The following FZD3 variants were observed in gnomAD, a reference collection of about 807,000 sequenced individuals.
FZD3 encodes the protein frizzled-3.
FZD3 carries 30 observed loss-of-function variants against 60.7 expected under a neutral mutation model. That is an observed-to-expected ratio of 0.49 (90% confidence interval 0.37 to 0.67). The LOEUF is 0.67. FZD3 is among the 30% of genes least tolerant of loss of function. The pLI is 0.00. For missense variants in FZD3, 605 were observed against 838.7 expected (o/e 0.72, Z 3.44); for synonymous variants, 246 against 275.2 (o/e 0.89, Z 1.05).
intron 3 of FZD3, among the ~76,000 whole-genome samples, chr8:28,513,773 C>A (rs1301376218): frequency 2.0e-5 from 3 of 152,070 alleles, no homozygotes; most frequent in African/African-American, 7.2e-5. Context: ...CATAATACTC[C>A]CAAACCCCAT....
chr8:28,503,978 T>C lies in FZD3; in HGVS notation c.189+776T>C, dbSNP rs192850444. Among the ~76,000 whole-genome samples, 7 of 152,356 alleles carry C rather than the reference T, an allele frequency of 4.6e-5. No individual in the cohort carries two copies. The East Asian group carries it at 1.3e-3, about 29-fold the overall frequency. ...TAAGTACTCTATAAGTGATAGCTTT[T>C]ACCGTTAATTCATATTCTCATATTA... On this transcript the variant is annotated intron_variant, in intron 3 of 7. Coordinates refer to ENST00000240093, the MANE Select transcript of FZD3 (RefSeq NM_017412.4).
At chr8:28,558,367 C>T (rs1188898019) in intron 7 of FZD3, among the ~76,000 whole-genome samples, 1 of 152,052 alleles carries the variant, frequency 6.6e-6, no homozygotes, top group African/African-American at 2.4e-5. Context: ...AGTCATCACC[C>T]TCCATGAACC....
intron 7 of FZD3, among the ~76,000 whole-genome samples, chr8:28,560,111 T>G (rs1405634913): frequency 6.6e-6 from 1 of 152,138 alleles, no homozygotes; most frequent in Middle Eastern, 3.2e-3. Context: ...AAGGAGGTAT[T>G]AGTAAAACTA....
chr8:28,517,379 A>G (rs942997601), intron 3 of FZD3, among the ~76,000 whole-genome samples: 3 of 152,060 alleles, frequency 2.0e-5, no homozygotes, highest in Admixed American at 1.3e-4. Context: ...TTGGTTTTCA[A>G]CCGTTTAAAT....
chr8:28,528,259 C>G, intron 5 of FZD3, 95 bp downstream of exon 5: 1 of 880,992 alleles, frequency 1.1e-6, no homozygotes, highest in Non-Finnish European at 1.7e-6. Flanking sequence ...TTTGAAATGT[C>G]ATGAACCTTC....
intron 6 of FZD3, among the ~76,000 whole-genome samples, chr8:28,553,410 C>T (rs899619509): frequency 6.6e-6 from 1 of 152,138 alleles, no homozygotes; most frequent in Non-Finnish European, 1.5e-5. Context: ...TTTGTGTATT[C>T]TTTGGAAAAC....
intron 3 of FZD3, among the ~76,000 whole-genome samples, chr8:28,519,748 AC>A (rs1319886442): frequency 7.5e-6 from 1 of 133,164 alleles, no homozygotes; most frequent in Non-Finnish European, 1.6e-5. Flanking sequence ...AAAAAAAAAA[AC>A]CAAGAAAATT....
chr8:28,564,613 T>G lies in FZD3; in HGVS notation c.*1602T>G, dbSNP rs1185544909. 1 of 152,196 alleles carries G rather than the reference T, an allele frequency of 6.6e-6. No individual in the cohort carries two copies. Among genetic ancestry groups the G allele is most frequent in the Non-Finnish European group, 1.5e-5 (1 of 68,024 alleles). The allele number at this position is 152,196 out of a possible 1,614,324, so 9.4% of individuals were successfully genotyped here. The stretch of plus-strand genomic sequence containing the variant: ...ATCATTATCTAATATTCAGTTGTTC[T>G]GCACCTGATGCCAAATTCTGGGCTG... On this transcript the variant is annotated 3_prime_UTR_variant, in exon 8 of 8. Coordinates refer to ENST00000240093, the MANE Select transcript of FZD3 (RefSeq NM_017412.4).
At position 28,563,445 on chromosome 8, in the gene FZD3, T is replaced by C. The variant is rs1745079741; in HGVS notation, c.*434T>C. Reference sequence around the variant, plus strand: ...TTCTATGCAAGGTTTACTTCTCAGATGAACAGTAGGACTTTGTAGTTTTAT... The same window carrying C: ...TTCTATGCAAGGTTTACTTCTCAGACGAACAGTAGGACTTTGTAGTTTTAT... On this transcript the variant is annotated 3_prime_UTR_variant, in exon 8 of 8. Transcript: ENST00000240093. 5.8e-6 allele frequency: 1 copy of C among 172,378 alleles called. No individual in the cohort carries two copies. The highest frequency in any genetic ancestry group is 1.2e-5 in the Non-Finnish European group (1 of 80,106). The allele number at this position is 172,378 out of a possible 1,614,324, so 10.7% of individuals were successfully genotyped here. A position where few individuals can be genotyped will look rare whatever the true frequency, so the allele number is the denominator to read the frequency against.
intron 7 of FZD3, among the ~76,000 whole-genome samples, chr8:28,561,024 T>A (rs1385347718): frequency 6.6e-6 from 1 of 152,206 alleles, no homozygotes; most frequent in Non-Finnish European, 1.5e-5. Context: ...TTTTCACATT[T>A]AACTTTTCTT....
In FZD3 at chr8:28,542,464, C is replaced by T. The variant is rs149519068; in HGVS notation, c.1405-9139C>T. Among the ~76,000 whole-genome samples the T allele has an allele frequency of 4.8e-3, 731 of 152,092 alleles. 28 individuals are homozygous for T. The East Asian group carries it at 0.093, about 19-fold the overall frequency. Reference sequence around the variant, plus strand: ...ACCAGCCTGACCAAAATGGTGAAACCCCATCTCTACTAAAAATACAAAAAT... The same window carrying T: ...ACCAGCCTGACCAAAATGGTGAAACTCCATCTCTACTAAAAATACAAAAAT... On this transcript the variant is annotated intron_variant, in intron 5 of 7. Coordinates refer to ENST00000240093, the MANE Select transcript of FZD3 (RefSeq NM_017412.4).
chr8:28,519,013 G>C (rs1348893963), intron 3 of FZD3, among the ~76,000 whole-genome samples: 1 of 152,154 alleles, frequency 6.6e-6, no homozygotes, highest in Admixed American at 6.5e-5. Flanking sequence ...TTTCTTAGAA[G>C]TGAAAGTCAT....
chr8:28,559,717 A>T (rs576909160), intron 7 of FZD3, among the ~76,000 whole-genome samples: 5 of 152,264 alleles, frequency 3.3e-5, no homozygotes, highest in African/African-American at 9.6e-5. Flanking sequence ...CTGAACAAGG[A>T]TTTTCATAAT....
intron 3 of FZD3, among the ~76,000 whole-genome samples, chr8:28,504,607 T>C (rs2130282895): frequency 6.6e-6 from 1 of 152,336 alleles, no homozygotes; most frequent in Middle Eastern, 3.4e-3. Context: ...TCCTGATCTT[T>C]GTTTTCTTCA....
intron 2 of FZD3, among the ~76,000 whole-genome samples, chr8:28,501,229 T>C (rs1192280875): frequency 6.6e-6 from 1 of 152,212 alleles, no homozygotes; most frequent in Non-Finnish European, 1.5e-5. Flanking sequence ...CCATAGACTT[T>C]TCTTTTCCCT....
Position 28,527,375 on chromosome 8 carries a change from C to G in FZD3, c.615C>G (p.Phe205Leu), listed in dbSNP as rs1256968822. 2.5e-6 allele frequency: 4 copies of G among 1,613,694 alleles called. No individual in the cohort carries two copies. Among genetic ancestry groups the G allele is most frequent in the Non-Finnish European group, 8.5e-7 (1 of 1,179,696 alleles). ...RREELSFARY[F>L]IGLISIICLS... ...AAGAACTGTCATTTGCTCGCTATTT[C>G]ATAGGATTGATTTCAATCATTTGCC... Residue 205 changes from phenylalanine to leucine, a missense_variant, in exon 5 of 8, where the codon TTC (phenylalanine) becomes TTG (leucine). Phe to Leu is a conservative substitution (Grantham distance 22). Coordinates refer to ENST00000240093, the MANE Select transcript of FZD3 (RefSeq NM_017412.4). The surrounding 1 kb of genome is among the most constrained non-coding windows in gnomAD (Gnocchi z 5.0).
rs1206706303 is a variant in FZD3, at chr8:28,568,079, C to T, written c.*5068C>T. 3.3e-5 allele frequency: 5 copies of T among 151,968 alleles called. No homozygotes were observed. Among genetic ancestry groups the T allele is most frequent in the Non-Finnish European group, 7.4e-5 (5 of 68,006 alleles). The allele number at this position is 151,968 out of a possible 1,614,324, so 9.4% of individuals were successfully genotyped here. A position where few individuals can be genotyped will look rare whatever the true frequency, so the allele number is the denominator to read the frequency against. The stretch of plus-strand genomic sequence containing the variant: ...CATCACACTATGAGAATTGTTTGTA[C>T]ACATTTATAATTTTTTTAAAGTATG... On this transcript the variant is annotated 3_prime_UTR_variant, in exon 8 of 8. Transcript: ENST00000240093.
intron 5 of FZD3, among the ~76,000 whole-genome samples, chr8:28,540,793 A>AG (rs2130428751): frequency 6.6e-6 from 1 of 152,172 alleles, no homozygotes; most frequent in African/African-American, 2.4e-5. Flanking sequence ...AAAAATACAA[A>AG]AATTAGCTGG....
At chr8:28,522,353 G>C (rs112521456) in intron 4 of FZD3, among the ~76,000 whole-genome samples, 1 of 151,232 alleles carries the variant, frequency 6.6e-6, no homozygotes, top group Non-Finnish European at 1.5e-5. Context: ...ACCTATCTAC[G>C]ATTTTAAATG....
Sources: allele counts gnomAD v4.1 joint callset (sites outside exome capture counted in the v4.1 genomes callset), GRCh38; gene constraint gnomAD v4.1.1; non-coding constraint Gnocchi (gnomAD v3.1); transcripts MANE v1.5; gene names NCBI Gene and HGNC (gene_info 2026-07-23, HGNC 2026-07-21).